The following DNMT3A variants were observed in gnomAD, a reference collection of about 807,000 sequenced individuals.
The protein encoded by DNMT3A is DNA methyltransferase 3 alpha.
DNMT3A carries 267 observed loss-of-function variants against 117.6 expected under a neutral mutation model. The ratio of observed to expected loss-of-function variants is 2.27; its 90% CI spans 2.05 to 2.51. DNMT3A has a LOEUF of 2.51. Among genes scored for constraint, DNMT3A ranks in the 30% most tolerant of loss-of-function variants. DNMT3A has a pLI of 0.00. For synonymous variants in DNMT3A, 432 were observed against 474.8 expected (o/e 0.91, Z 1.17); for missense variants, 1,029 against 1,260.2 (o/e 0.82, Z 2.78).
intron 19 of DNMT3A, chr2:25,239,615 T>C (rs1673751772): frequency 2.0e-6 from 1 of 489,082 alleles, no homozygotes. Flanking sequence ...TGCTCTAGAC[T>C]ACCCAGAGGC....
At chr2:25,307,824 C>A (rs570196586) in intron 2 of DNMT3A, among the ~76,000 whole-genome samples, 1 of 152,282 alleles carries the variant, frequency 6.6e-6, no homozygotes, top group Non-Finnish European at 1.5e-5. Context: ...GGGCGACTCA[C>A]CTTATCAGCA....
intron 2 of DNMT3A, 136 bp downstream of exon 2, chr2:25,313,777 G>T: frequency 7.6e-7 from 1 of 1,322,714 alleles, no homozygotes; most frequent in South Asian, 1.4e-5. Flanking sequence ...AAACAGGGAT[G>T]TGATGGTCCC....
rs554942561 is a variant in DNMT3A, at chr2:25,334,899, C to A, written c.-178+6927G>T. Among the ~76,000 whole-genome samples, 3 of 152,328 alleles carry A rather than the reference C, an allele frequency of 2.0e-5. No individual in the cohort carries two copies. The East Asian group carries it at 5.8e-4, about 29-fold the overall frequency. On this transcript the variant is annotated intron_variant, in intron 1 of 22. Coordinates refer to ENST00000321117, the MANE Select transcript of DNMT3A (RefSeq NM_022552.5). The stretch of plus-strand genomic sequence containing the variant: ...GACTTAATTCTTTTTTCTACTTTCT[C>A]ATCCACAGGCTTTTAAAAAGTGTAG...
intron 16 of DNMT3A, among the ~76,000 whole-genome samples, chr2:25,243,462 T>C (rs952360448): frequency 1.3e-5 from 2 of 152,210 alleles, no homozygotes; most frequent in Non-Finnish European, 2.9e-5. Flanking sequence ...GAAAAAAATC[T>C]GAAAAGGACA....
At chr2:25,263,848 T>A (rs923410246) in intron 6 of DNMT3A, among the ~76,000 whole-genome samples, 5 of 152,150 alleles carry the variant, frequency 3.3e-5, no homozygotes, top group African/African-American at 1.2e-4. Context: ...GTACACTGCC[T>A]CTCCCTAGGC....
At position 25,232,352 on chromosome 2, in the gene DNMT3A, CCTA is replaced by C. The variant is rs1672915183; in HGVS notation, c.*1924_*1926del. ...CCTGGAGCCAACAATGCCATCCCTTCCTACTACTGACGCCAGGCCGCCTGCCTT... is the reference window on the plus strand; with the variant it reads ...CCTGGAGCCAACAATGCCATCCCTTCCTACTGACGCCAGGCCGCCTGCCTT... On this transcript the variant is annotated 3_prime_UTR_variant, in exon 23 of 23. Coordinates refer to ENST00000321117, the MANE Select transcript of DNMT3A (RefSeq NM_022552.5). This position sits in a 1 kb window ranked among gnomAD's most constrained non-coding sequence, Gnocchi z 4.1. 1 of 152,332 alleles carries C rather than the reference CCTA, an allele frequency of 6.6e-6. No homozygotes were observed. Among genetic ancestry groups the C allele is most frequent in the Admixed American group, 6.5e-5 (1 of 15,292 alleles). The allele number at this position is 152,332 out of a possible 1,614,324, so 9.4% of individuals were successfully genotyped here. A position where few individuals can be genotyped will look rare whatever the true frequency, so the allele number is the denominator to read the frequency against.
At chr2:25,243,476 G>A (rs915909776) in intron 16 of DNMT3A, among the ~76,000 whole-genome samples, 7 of 152,158 alleles carry the variant, frequency 4.6e-5, no homozygotes, top group African/African-American at 1.4e-4. Flanking sequence ...AAGGACATAT[G>A]CCAAAATATT....
At chr2:25,335,206 T>C (rs2035164923) in intron 1 of DNMT3A, among the ~76,000 whole-genome samples, 1 of 152,222 alleles carries the variant, frequency 6.6e-6, no homozygotes. Flanking sequence ...CCTACCACCT[T>C]GTTTCAAAGG....
Position 25,296,850 on chromosome 2 carries a change from T to A in DNMT3A, c.177+3289A>T, listed in dbSNP as rs1335327314. ...GGGACCTGGTGAGGGCACTAGTGGGTATATCTGGACCCTCCCTGTCCAGCG... is the reference window on the plus strand; with the variant it reads ...GGGACCTGGTGAGGGCACTAGTGGGAATATCTGGACCCTCCCTGTCCAGCG... On this transcript the variant is annotated intron_variant, in intron 3 of 22. Coordinates refer to ENST00000321117, the MANE Select transcript of DNMT3A (RefSeq NM_022552.5). The surrounding 1 kb of genome is among the most constrained non-coding windows in gnomAD (Gnocchi z 4.2). 1.3e-5 allele frequency among the ~76,000 whole-genome samples: 2 copies of A among 152,056 alleles called. No individual in the cohort carries two copies. The highest frequency in any genetic ancestry group is 2.9e-5 in the Non-Finnish European group (2 of 67,996).
chr2:25,326,106 A>ATGTGTG (rs1159330144), intron 1 of DNMT3A, among the ~76,000 whole-genome samples: 34 of 103,348 alleles, frequency 3.3e-4, no homozygotes, highest in East Asian at 1.4e-3. Context: ...AACTTGATAT[A>ATGTGTG]TATGTGTGTG....
Position 25,327,980 on chromosome 2 carries a change from T to C in DNMT3A, c.-177-13819A>G, listed in dbSNP as rs2034848819. ...CTCCAGGCCCTTTGTACCTCTTGTG[T>C]CTGTGGCACAATAACCTGGTAGATG... On this transcript the variant is annotated intron_variant, in intron 1 of 22. Transcript: ENST00000321117. The surrounding 1 kb of genome is among the most constrained non-coding windows in gnomAD (Gnocchi z 4.1). 6.6e-6 allele frequency among the ~76,000 whole-genome samples: 1 copy of C among 152,176 alleles called. No individual in the cohort carries two copies. The highest frequency in any genetic ancestry group is 2.4e-5 in the African/African-American group (1 of 41,428).
At chr2:25,239,935 T>C (rs1247108519) in intron 19 of DNMT3A, among the ~76,000 whole-genome samples, 8 of 152,248 alleles carry the variant, frequency 5.3e-5, no homozygotes, top group Non-Finnish European at 7.3e-5. Flanking sequence ...GGAGTGAGGA[T>C]AGGCCCTTCT....
intron 12 of DNMT3A, among the ~76,000 whole-genome samples, chr2:25,245,654 C>T (rs907585777): frequency 6.6e-6 from 1 of 152,238 alleles, no homozygotes; most frequent in Admixed American, 6.5e-5. Context: ...TGCCCCAATC[C>T]TCCCAGGCCG....
intron 6 of DNMT3A, among the ~76,000 whole-genome samples, chr2:25,263,465 C>T (rs1334078156): frequency 1.3e-5 from 2 of 152,096 alleles, no homozygotes; most frequent in Admixed American, 6.5e-5. Context: ...CCCCCTACCC[C>T]GCCACTAGCA....
chr2:25,285,366 A>G (rs562974694), intron 3 of DNMT3A, among the ~76,000 whole-genome samples: 16 of 152,330 alleles, frequency 1.1e-4, no homozygotes, highest in African/African-American at 3.8e-4. Context: ...CAAAAACAAA[A>G]ACAAAACCAG....
chr2:25,314,188 G>A (rs935856135), intron 1 of DNMT3A, 27 bp from the exon 2 acceptor site: 2 of 1,412,574 alleles, frequency 1.4e-6, no homozygotes, highest in Non-Finnish European at 1.8e-6. Flanking sequence ...AGGATCAGTG[G>A]GGCGGAGCAC....
At chr2:25,275,154 G>A (rs563257621) in intron 5 of DNMT3A, 67 bp from the exon 6 acceptor site, 81 of 1,484,266 alleles carry the variant, frequency 5.5e-5, no homozygotes, top group South Asian at 4.5e-4. Flanking sequence ...GGAGGCACTC[G>A]CCTCAAACAC....
rs546218458 is a variant in DNMT3A, at chr2:25,339,167, C to T, written c.-178+2659G>A. ...TGCCATGTGCCGAAAAACAGACCACCCTGTCCCCATTGCTAGGCCTGAAAT... is the reference window on the plus strand; with the variant it reads ...TGCCATGTGCCGAAAAACAGACCACTCTGTCCCCATTGCTAGGCCTGAAAT... On this transcript the variant is annotated intron_variant, in intron 1 of 22. Coordinates refer to ENST00000321117, the MANE Select transcript of DNMT3A (RefSeq NM_022552.5). The surrounding 1 kb of genome is among the most constrained non-coding windows in gnomAD (Gnocchi z 4.9). 5.3e-5 allele frequency among the ~76,000 whole-genome samples: 8 copies of T among 152,098 alleles called. No homozygotes were observed. Among genetic ancestry groups the T allele is most frequent in the Non-Finnish European group, 1.0e-4 (7 of 68,016 alleles).
In DNMT3A at chr2:25,248,101, G is replaced by C. The variant is rs2149310542; in HGVS notation, c.791C>G (p.Pro264Arg). 3 of 1,613,386 alleles carry C rather than the reference G, an allele frequency of 1.9e-6. No homozygotes were observed. Among genetic ancestry groups the C allele is most frequent in the Non-Finnish European group, 2.5e-6 (3 of 1,179,990 alleles). ...ASPTVATTPE[P>R]VGSDAGDKNA... ...CTTGTCCCCAGCATCGGACCCCACG[G>C]GCTCAGGCGTGGTAGCCACAGTGGG... Residue 264 changes from proline to arginine, a missense_variant, in exon 7 of 23, where the codon CCC (proline) becomes CGC (arginine). Physicochemically the swap from Pro to Arg is moderately radical, Grantham distance 103 (BLOSUM62 -2). Coordinates refer to ENST00000321117, the MANE Select transcript of DNMT3A (RefSeq NM_022552.5).
Sources: allele counts gnomAD v4.1 joint callset (sites outside exome capture counted in the v4.1 genomes callset), GRCh38; gene constraint gnomAD v4.1.1; non-coding constraint Gnocchi (gnomAD v3.1); transcripts MANE v1.5; gene names NCBI Gene and HGNC (gene_info 2026-07-23, HGNC 2026-07-21).